Variants in LRBA observed in about 807,000 individuals in gnomAD.
The protein encoded by LRBA is LPS responsive beige-like anchor protein, also known as lipopolysaccharide-responsive and beige-like anchor protein.
In LRBA, 176 loss-of-function variants were observed where a neutral mutation model predicts 330.0. That is an observed-to-expected ratio of 0.53 (90% CI 0.47 to 0.60). The LOEUF (loss-of-function observed/expected upper bound fraction) is 0.60, where lower values mean the gene tolerates loss of function less well. Ranked by LOEUF, LRBA falls within the 20% of genes least tolerant of loss-of-function variation. LRBA has a pLI of 0.00. For synonymous variants in LRBA, 1,230 were observed against 1,193.0 expected (o/e 1.03, Z -0.64); for missense variants, 3,259 against 3,444.8 (o/e 0.95, Z 1.35).
At chr4:150,654,102 T>A (rs1032943408) in intron 37 of LRBA, among the ~76,000 whole-genome samples, 1 of 152,146 alleles carries the variant, frequency 6.6e-6, no homozygotes, top group Non-Finnish European at 1.5e-5. Flanking sequence ...ATTCAGCCAT[T>A]GATTTAAAAA....
intron 22 of LRBA, among the ~76,000 whole-genome samples, chr4:150,858,824 T>G (rs976043187): frequency 6.6e-6 from 1 of 152,134 alleles, no homozygotes; most frequent in African/African-American, 2.4e-5. Context: ...GTCCAGCCAA[T>G]TTTGTAACTT....
intron 47 of LRBA, among the ~76,000 whole-genome samples, chr4:150,373,394 A>G (rs1350740928): frequency 1.3e-5 from 2 of 152,046 alleles, no homozygotes; most frequent in Non-Finnish European, 2.9e-5. Flanking sequence ...TTGAACCCAC[A>G]CTGAACCACA....
chr4:150,713,195 T>A (rs1254797428), intron 36 of LRBA, among the ~76,000 whole-genome samples: 1 of 152,158 alleles, frequency 6.6e-6, no homozygotes. Flanking sequence ...TTTGACCTCC[T>A]AAAAGGCTAG....
chr4:150,389,676 C>CAAAAAA (rs34170088), intron 47 of LRBA, among the ~76,000 whole-genome samples: 8,615 of 79,568 alleles, frequency 0.11, 583 homozygotes, highest in Non-Finnish European at 0.13. Flanking sequence ...GACTCTGTCT[C>CAAAAAA]AAAAAAAAAA....
At chr4:150,809,887 T>C (rs1560850038) in intron 31 of LRBA, among the ~76,000 whole-genome samples, 1 of 148,490 alleles carries the variant, frequency 6.7e-6, no homozygotes, top group East Asian at 2.0e-4. Context: ...TACGATACGA[T>C]ACGATACGAT....
chr4:150,954,854 C>T (rs1228251956), intron 2 of LRBA, among the ~76,000 whole-genome samples: 1 of 120,428 alleles, frequency 8.3e-6, no homozygotes, highest in Non-Finnish European at 1.7e-5. Context: ...AAAGGAACAC[C>T]AAGTATATCA....
At chr4:150,871,669 T>TAA (rs921735514) in intron 18 of LRBA, among the ~76,000 whole-genome samples, 1 of 143,526 alleles carries the variant, frequency 7.0e-6, no homozygotes. Context: ...AGTTAAAAAT[T>TAA]AAAAAAAAAA....
At chr4:150,438,154 T>C (rs1751366191) in intron 44 of LRBA, among the ~76,000 whole-genome samples, 2 of 152,192 alleles carry the variant, frequency 1.3e-5, no homozygotes, top group African/African-American at 4.8e-5. Flanking sequence ...ACCCACTCAC[T>C]GAAAAAGACA....
At chr4:150,576,550 T>C (rs1485437450) in intron 40 of LRBA, among the ~76,000 whole-genome samples, 1 of 151,950 alleles carries the variant, frequency 6.6e-6, no homozygotes, top group African/African-American at 2.4e-5. Flanking sequence ...TCTATCATTG[T>C]ATATTTTTGG....
intron 34 of LRBA, among the ~76,000 whole-genome samples, chr4:150,792,337 T>A (rs958834385): frequency 1.3e-5 from 2 of 151,990 alleles, no homozygotes; most frequent in African/African-American, 4.8e-5. Context: ...GTAATAGAAA[T>A]CAAATCACTG....
At chr4:150,843,900 T>C (rs1328419481) in intron 28 of LRBA, among the ~76,000 whole-genome samples, 200 bp downstream of exon 28, 2 of 152,242 alleles carry the variant, frequency 1.3e-5, no homozygotes, top group Admixed American at 1.3e-4. Flanking sequence ...ATCACTATGC[T>C]GATCTGCTAG....
intron 47 of LRBA, among the ~76,000 whole-genome samples, chr4:150,351,418 G>A (rs779055838): frequency 3.3e-5 from 5 of 152,190 alleles, no homozygotes; most frequent in Admixed American, 6.5e-5. Context: ...GGCCGGGCAC[G>A]GTGGTTCATG....
At chr4:150,601,019 G>A (rs771974609) in intron 37 of LRBA, among the ~76,000 whole-genome samples, 8 of 152,124 alleles carry the variant, frequency 5.3e-5, no homozygotes, top group South Asian at 2.1e-4. Flanking sequence ...TCATCAGTGC[G>A]GCAATCGGCA....
At chr4:150,540,335 C>T (rs912309478) in intron 40 of LRBA, among the ~76,000 whole-genome samples, 8 of 152,134 alleles carry the variant, frequency 5.3e-5, no homozygotes, top group Admixed American at 5.2e-4. Flanking sequence ...TAGCTGGCTA[C>T]AGATGTGCGT....
At chr4:150,672,278 A>AGG (rs1278959756) in intron 37 of LRBA, among the ~76,000 whole-genome samples, 1 of 152,070 alleles carries the variant, frequency 6.6e-6, no homozygotes, top group East Asian at 1.9e-4. Context: ...ATAGACAGCT[A>AGG]TAGTTCAGAA....
At chr4:150,340,862 T>C (rs1735435800) in intron 48 of LRBA, among the ~76,000 whole-genome samples, 1 of 152,130 alleles carries the variant, frequency 6.6e-6, no homozygotes, top group African/African-American at 2.4e-5. Flanking sequence ...GACACATCGA[T>C]GAGGAAGAGA....
intron 9 of LRBA, among the ~76,000 whole-genome samples, chr4:150,911,698 C>T (rs991059250): frequency 2.6e-5 from 4 of 152,118 alleles, no homozygotes; most frequent in African/African-American, 9.7e-5. Flanking sequence ...CAGGGTAACA[C>T]TGGCCTCATA....
At chr4:150,884,366 T>C (rs992011696) in intron 17 of LRBA, among the ~76,000 whole-genome samples, 2 of 152,026 alleles carry the variant, frequency 1.3e-5, no homozygotes, top group African/African-American at 2.4e-5. Flanking sequence ...CACACAGACA[T>C]AGCTGATTGA....
intron 48 of LRBA, among the ~76,000 whole-genome samples, chr4:150,332,608 T>C (rs1263693429): frequency 6.6e-6 from 1 of 152,164 alleles, no homozygotes; most frequent in African/African-American, 2.4e-5. Flanking sequence ...AATGCACTAC[T>C]ACCACAATCA....
Sources: allele counts gnomAD v4.1 joint callset (sites outside exome capture counted in the v4.1 genomes callset), GRCh38; gene constraint gnomAD v4.1.1; transcripts MANE v1.5; gene names NCBI Gene and HGNC (gene_info 2026-07-23, HGNC 2026-07-21).